ALK: variants seen among roughly 807,000 people sequenced by gnomAD.
ALK encodes the protein ALK receptor tyrosine kinase.
ALK carries 74 observed loss-of-function variants against 163.1 expected under a neutral mutation model. That is an observed-to-expected ratio of 0.45 (90% CI 0.38 to 0.55). The LOEUF is 0.55. Among genes scored for constraint, ALK ranks in the 20% least tolerant of loss-of-function variants. The pLI, the probability that ALK is intolerant of heterozygous loss-of-function variation, is 0.00. For synonymous variants in ALK, 960 were observed against 843.2 expected (o/e 1.14, Z -2.40); for missense variants, 2,063 against 2,105.3 (o/e 0.98, Z 0.39).
At chr2:29,291,535 A>C (rs1666022655) in intron 9 of ALK, among the ~76,000 whole-genome samples, 1 of 152,176 alleles carries the variant, frequency 6.6e-6, no homozygotes, top group South Asian at 2.1e-4. Context: ...TTCTCATATT[A>C]AAAAGGGGAT....
Position 29,692,033 on chromosome 2 carries a change from G to T in ALK, c.952+2817C>A, listed in dbSNP as rs370326659. On this transcript the variant is annotated intron_variant, in intron 3 of 28. Coordinates refer to ENST00000389048, the MANE Select transcript of ALK (RefSeq NM_004304.5). The stretch of plus-strand genomic sequence containing the variant: ...GTTGGAATCTGGAGATAGTCCTAGG[G>T]GTGGCTGAATGGGAGTAAGTCTGAA... Among the ~76,000 whole-genome samples the T allele has an allele frequency of 3.3e-5, 5 of 152,138 alleles. No individual in the cohort carries two copies. In the East Asian group the frequency reaches 9.6e-4, roughly 29 times the overall value.
intron 4 of ALK, among the ~76,000 whole-genome samples, chr2:29,508,158 T>C (rs1346809078): frequency 6.6e-6 from 1 of 152,060 alleles, no homozygotes; most frequent in Non-Finnish European, 1.5e-5. Context: ...CCGTCACTGA[T>C]CTGATGTTCA....
chr2:29,821,895 G>T (rs1055511428), intron 1 of ALK, among the ~76,000 whole-genome samples: 19 of 152,260 alleles, frequency 1.2e-4, no homozygotes, highest in African/African-American at 4.6e-4. Flanking sequence ...GGGATTCAGG[G>T]GTTGAAGGGC....
At chr2:29,258,143 T>C (rs1311658151) in intron 11 of ALK, among the ~76,000 whole-genome samples, 2 of 152,216 alleles carry the variant, frequency 1.3e-5, no homozygotes, top group Non-Finnish European at 2.9e-5. Flanking sequence ...CCATATTTTC[T>C]CGTTTTGAAG....
intron 1 of ALK, among the ~76,000 whole-genome samples, chr2:29,888,502 G>T (rs1278657263): frequency 1.3e-5 from 2 of 152,126 alleles, no homozygotes; most frequent in Non-Finnish European, 2.9e-5. Context: ...TGCAGATTTT[G>T]CCCTGTGTAG....
chr2:29,901,561 A>G (rs1667414807), intron 1 of ALK, among the ~76,000 whole-genome samples: 1 of 152,218 alleles, frequency 6.6e-6, no homozygotes. Flanking sequence ...TGAAAACCCT[A>G]CTTTATCTGA....
chr2:29,543,714 T>C (rs1216229222), intron 3 of ALK, among the ~76,000 whole-genome samples: 1 of 152,222 alleles, frequency 6.6e-6, no homozygotes, highest in Non-Finnish European at 1.5e-5. Context: ...ACCTCCTCTA[T>C]TCTAAACCTT....
At chr2:29,347,305 C>T (rs745686991) in intron 5 of ALK, among the ~76,000 whole-genome samples, 1 of 152,192 alleles carries the variant, frequency 6.6e-6, no homozygotes, top group South Asian at 2.1e-4. Context: ...AACTCTGACA[C>T]CCTCTTTCTG....
At chr2:29,487,338 C>T (rs992778411) in intron 4 of ALK, among the ~76,000 whole-genome samples, 2 of 152,122 alleles carry the variant, frequency 1.3e-5, no homozygotes, top group Admixed American at 1.3e-4. Context: ...AAAGGGAACC[C>T]CCATACCCCC....
At chr2:29,709,926 A>G (rs1243471815) in intron 2 of ALK, among the ~76,000 whole-genome samples, 1 of 152,102 alleles carries the variant, frequency 6.6e-6, no homozygotes, top group Non-Finnish European at 1.5e-5. Context: ...TCATCTAAAA[A>G]TTCCTCACTT....
intron 23 of ALK, among the ~76,000 whole-genome samples, chr2:29,216,433 C>T (rs1193880710): frequency 2.0e-5 from 3 of 152,106 alleles, no homozygotes; most frequent in East Asian, 1.9e-4. Flanking sequence ...ATAGATGTCT[C>T]GGAAGCCCCA....
intron 3 of ALK, among the ~76,000 whole-genome samples, chr2:29,587,767 A>G (rs1184522906): frequency 6.6e-6 from 1 of 152,248 alleles, no homozygotes; most frequent in Admixed American, 6.5e-5. Flanking sequence ...TTTATGTTGT[A>G]TTCAATATTT....
intron 4 of ALK, among the ~76,000 whole-genome samples, chr2:29,460,936 T>C (rs1221198973): frequency 6.6e-6 from 1 of 152,164 alleles, no homozygotes; most frequent in East Asian, 1.9e-4. Context: ...AAGTTGTGAA[T>C]GCAAAGGAAA....
intron 4 of ALK, among the ~76,000 whole-genome samples, chr2:29,414,223 T>C (rs868578965): frequency 1.3e-5 from 2 of 152,244 alleles, no homozygotes; most frequent in African/African-American, 4.8e-5. Context: ...CGTGACTATA[T>C]TGAAAGAACC....
At chr2:29,558,488 G>A (rs532446416) in intron 3 of ALK, among the ~76,000 whole-genome samples, 1 of 152,060 alleles carries the variant, frequency 6.6e-6, no homozygotes, top group African/African-American at 2.4e-5. Flanking sequence ...CACAAGACTG[G>A]TCACTGCTAC....
chr2:29,407,893 G>A (rs1171420745), intron 4 of ALK, among the ~76,000 whole-genome samples: 1 of 152,024 alleles, frequency 6.6e-6, no homozygotes, highest in East Asian at 1.9e-4. Flanking sequence ...TGAGTGTGGA[G>A]CTGAAAAAAG....
At chr2:29,822,552 T>A (rs1470250000) in intron 1 of ALK, among the ~76,000 whole-genome samples, 1 of 152,216 alleles carries the variant, frequency 6.6e-6, no homozygotes, top group Non-Finnish European at 1.5e-5. Context: ...CTAATGCCCA[T>A]CCCTGTTCTC....
intron 4 of ALK, among the ~76,000 whole-genome samples, chr2:29,513,651 G>T (rs1273779660): frequency 1.3e-5 from 2 of 151,704 alleles, no homozygotes; most frequent in African/African-American, 4.8e-5. Context: ...TGACAAATGG[G>T]ATCTAATTAA....
intron 3 of ALK, among the ~76,000 whole-genome samples, chr2:29,551,929 A>G (rs1489267121): frequency 6.6e-6 from 1 of 152,174 alleles, no homozygotes; most frequent in Non-Finnish European, 1.5e-5. Flanking sequence ...TACATTCCCA[A>G]TGTTGTGCAA....
Sources: gnomAD v4.1 joint callset for allele counts (sites outside exome capture counted in the v4.1 genomes callset) on GRCh38, gnomAD v4.1.1 for gene constraint, MANE v1.5 for transcripts, NCBI Gene and HGNC (gene_info 2026-07-23, HGNC 2026-07-21) for gene names.